The following EDEM1 variants were observed in gnomAD, a reference collection of about 807,000 sequenced individuals.
The protein encoded by EDEM1 is ER degradation-enhancing alpha-mannosidase-like protein 1.
In EDEM1, 67 loss-of-function variants were observed where a neutral mutation model predicts 74.4. The ratio of observed to expected loss-of-function variants is 0.90; its 90% CI spans 0.74 to 1.10. EDEM1 has a LOEUF of 1.10. Among genes scored for constraint, EDEM1 ranks in the 50% least tolerant of loss-of-function variants. The pLI, the probability that EDEM1 is intolerant of heterozygous loss-of-function variation, is 0.00. For synonymous variants in EDEM1, 382 were observed against 335.9 expected, an observed-to-expected ratio of 1.14 and a Z score of -1.50; for missense variants, 926 against 851.6, an observed-to-expected ratio of 1.09 and a Z score of -1.09.
chr3:5,214,738 C>T (rs1475882334), intron 11 of EDEM1, among the ~76,000 whole-genome samples: 3 of 152,124 alleles, frequency 2.0e-5, no homozygotes, highest in Non-Finnish European at 2.9e-5. Flanking sequence ...GGATTTGGAC[C>T]CAGGCAGTGT....
At chr3:5,209,557 G>A (rs1559299554) in intron 8 of EDEM1, among the ~76,000 whole-genome samples, 1 of 152,330 alleles carries the variant, frequency 6.6e-6, no homozygotes, top group East Asian at 1.9e-4. Flanking sequence ...CACTAGGCAT[G>A]AATTAAAGAT....
chr3:5,190,201 T>A (rs2054884956), intron 1 of EDEM1, among the ~76,000 whole-genome samples: 1 of 152,254 alleles, frequency 6.6e-6, no homozygotes, highest in Non-Finnish European at 1.5e-5. Flanking sequence ...AATCATAGTA[T>A]GTGTACATAT....
chr3:5,211,649 AGTGAGTGT>A (rs1404170218), intron 10 of EDEM1, among the ~76,000 whole-genome samples: 3 of 127,380 alleles, frequency 2.4e-5, no homozygotes, highest in African/African-American at 8.8e-5. Flanking sequence ...CACATGAGTG[AGTGAGTGT>A]GTGTGTGTGT....
In EDEM1 at chr3:5,199,620, A is replaced by G; in HGVS notation, c.611A>G (p.Lys204Arg). Residue 204 changes from lysine to arginine, a missense_variant, in exon 3 of 12, where the codon AAA becomes AGA. Physicochemically the swap from Lys to Arg is conservative, Grantham distance 26 (BLOSUM62 2). Transcript: ENST00000256497. ...AIMGNSSEFQ[K>R]AVKLVINTVS... The stretch of plus-strand genomic sequence containing the variant: ...ATGGGAAATTCATCCGAGTTCCAGA[A>G]AGCCGTCAAGTTAGTGATCAACACA... 6.2e-7 allele frequency: 1 copy of G among 1,613,620 alleles called. No individual in the cohort carries two copies.
chr3:5,199,659 A>G lies in EDEM1; in HGVS notation c.650A>G (p.Lys217Arg), dbSNP rs778674270. The change falls in exon 3 of 12, where the codon AAA becomes AGA. Residue 217 changes from lysine to arginine, a missense_variant. Lys to Arg is a conservative substitution (Grantham distance 26). Coordinates refer to ENST00000256497, the MANE Select transcript of EDEM1 (RefSeq NM_014674.3). Reference sequence around the variant, plus strand: ...GTGATCAACACAGTTTCATTTGACAAAGATTCCACCGTCCAAGTCTTTGAG... The same window carrying G: ...GTGATCAACACAGTTTCATTTGACAGAGATTCCACCGTCCAAGTCTTTGAG... ...KLVINTVSFD[K>R]DSTVQVFEAT... is the part of the protein sequence containing the mutation. The G allele has an allele frequency of 1.2e-6, 2 of 1,613,936 alleles. No individual in the cohort carries two copies. Among genetic ancestry groups the G allele is most frequent in the Non-Finnish European group, 1.7e-6 (2 of 1,179,886 alleles).
chr3:5,215,499 A>G lies in EDEM1; in HGVS notation c.1885-330A>G, dbSNP rs924016898. Among the ~76,000 whole-genome samples, 63 of 152,218 alleles carry G rather than the reference A, an allele frequency of 4.1e-4. 1 individual carries two copies. The highest frequency in any genetic ancestry group is 4.1e-3 in the Admixed American group (62 of 15,278). The stretch of plus-strand genomic sequence containing the variant: ...CTGCGATGCCTTTTAGCTTCCCTGG[A>G]TCTGCCATTTCTTTATAAAGTGAGT... On this transcript the variant is annotated intron_variant, in intron 11 of 11. Coordinates refer to ENST00000256497, the MANE Select transcript of EDEM1 (RefSeq NM_014674.3).
chr3:5,193,977 A>G (rs1406135594), intron 1 of EDEM1, among the ~76,000 whole-genome samples: 1 of 152,220 alleles, frequency 6.6e-6, no homozygotes, highest in Non-Finnish European at 1.5e-5. Flanking sequence ...GTTCAAATAA[A>G]ATGAGACATT....
chr3:5,195,942 T>A (rs2054961161), intron 2 of EDEM1, among the ~76,000 whole-genome samples: 1 of 152,250 alleles, frequency 6.6e-6, no homozygotes, highest in East Asian at 1.9e-4. Context: ...CTGCTTCACC[T>A]TTTGCCATTA....
chr3:5,201,884 C>T lies in EDEM1; in HGVS notation c.818C>T (p.Pro273Leu). 6.2e-7 allele frequency: 1 copy of T among 1,614,136 alleles called. No individual in the cohort carries two copies. The highest frequency in any genetic ancestry group is 1.3e-5 in the African/African-American group (1 of 75,054). ...CATGACCTGGCGGTGCGGCTCCTCC[C>T]TGCTTTTGAAAACACCAAGACAGGG... ...MAHDLAVRLLPAFENTKTGIP... is the reference protein window; with the variant it reads ...MAHDLAVRLLLAFENTKTGIP... Residue 273 changes from proline to leucine, a missense_variant, in exon 4 of 12, where the codon CCT becomes CTT. Physicochemically the swap from Pro to Leu is moderately conservative, Grantham distance 98 (BLOSUM62 -3). Coordinates refer to ENST00000256497, the MANE Select transcript of EDEM1 (RefSeq NM_014674.3).
intron 11 of EDEM1, 30 bp downstream of exon 11, chr3:5,213,552 A>C: frequency 6.4e-7 from 1 of 1,572,594 alleles, no homozygotes; most frequent in Non-Finnish European, 8.6e-7. Context: ...GGTGATTTGC[A>C]TATAGAGGAA....
chr3:5,198,099 C>T (rs974174963), intron 2 of EDEM1, among the ~76,000 whole-genome samples: 1 of 151,806 alleles, frequency 6.6e-6, no homozygotes. Flanking sequence ...GGCTGGAGTG[C>T]AGTGGTGAGA....
intron 8 of EDEM1, among the ~76,000 whole-genome samples, chr3:5,209,403 C>T (rs2055139772): frequency 6.6e-6 from 1 of 152,184 alleles, no homozygotes; most frequent in South Asian, 2.1e-4. Flanking sequence ...CTCTTTGTTT[C>T]TGTCACTGCT....
At chr3:5,192,190 C>T (rs1181325801) in intron 1 of EDEM1, among the ~76,000 whole-genome samples, 1 of 152,148 alleles carries the variant, frequency 6.6e-6, no homozygotes, top group Non-Finnish European at 1.5e-5. Flanking sequence ...CTTTGAGCTG[C>T]GATTCTACAT....
At chr3:5,208,656 T>A (rs1277490126) in intron 8 of EDEM1, among the ~76,000 whole-genome samples, 3 of 152,064 alleles carry the variant, frequency 2.0e-5, no homozygotes, top group African/African-American at 7.2e-5. Context: ...TAACAACTAT[T>A]CAGACAAAAA....
chr3:5,212,572 G>A (rs2055180308), intron 10 of EDEM1, among the ~76,000 whole-genome samples: 1 of 152,200 alleles, frequency 6.6e-6, no homozygotes, highest in African/African-American at 2.4e-5. Context: ...TTGTTACTGT[G>A]TAAACATTGA....
rs751574259 is a variant in EDEM1, at chr3:5,207,192, CTA to C, written c.1259_1260del (p.Tyr420CysfsTer16). 123 of 1,614,102 alleles carry C rather than the reference CTA, an allele frequency of 7.6e-5. No individual in the cohort carries two copies. Among genetic ancestry groups the C allele is most frequent in the Admixed American group, 4.2e-4 (25 of 60,016 alleles). Reference protein sequence around the residue: ...CNEGEGDPPLYVNVNMFSGQL... With the variant: ...CNEGEGDPPLXVNVNMFSGQL... ...ATGAAGGAGAAGGAGACCCTCCACTCTATGTCAACGTGAACATGTTCAGTGGG... is the reference window on the plus strand; with the variant it reads ...ATGAAGGAGAAGGAGACCCTCCACTCTGTCAACGTGAACATGTTCAGTGGG... On this transcript the variant is annotated frameshift_variant, in exon 7 of 12. Coordinates refer to ENST00000256497, the MANE Select transcript of EDEM1 (RefSeq NM_014674.3). LOFTEE classifies it high-confidence loss of function.
At chr3:5,198,113 C>T (rs1349453489) in intron 2 of EDEM1, among the ~76,000 whole-genome samples, 4 of 150,218 alleles carry the variant, frequency 2.7e-5, no homozygotes, top group Non-Finnish European at 5.9e-5. Context: ...GGTGAGATCT[C>T]GGCTCACTGC....
intron 2 of EDEM1, among the ~76,000 whole-genome samples, chr3:5,196,948 T>G (rs898782875): frequency 1.3e-5 from 2 of 151,372 alleles, no homozygotes; most frequent in Non-Finnish European, 2.9e-5. Context: ...TTTTTTTTTT[T>G]TGAGAGAGTC....
rs2055162138 is a variant in EDEM1 at position 5,211,137 on chromosome 3, T to C, written c.1601T>C (p.Leu534Pro). ...TTTTGTAGGTGTGGGTACGCCACGC[T>C]GCATCACGTCATTGACAAGTCCACA... ...YTKVKCGYAT[L>P]HHVIDKSTED... is the part of the protein sequence containing the mutation. Residue 534 changes from leucine (L) to proline (P), a missense_variant, in exon 10 of 12, where the codon CTG becomes CCG. Coordinates refer to ENST00000256497, the MANE Select transcript of EDEM1 (RefSeq NM_014674.3). 1 of 1,614,072 alleles carries C rather than the reference T, an allele frequency of 6.2e-7. No individual in the cohort carries two copies. The highest frequency in any genetic ancestry group is 1.7e-5 in the Admixed American group (1 of 60,010).
Sources: allele counts gnomAD v4.1 joint callset (sites outside exome capture counted in the v4.1 genomes callset), GRCh38; gene constraint gnomAD v4.1.1; transcripts MANE v1.5; gene names NCBI Gene and HGNC (gene_info 2026-07-23, HGNC 2026-07-21).